ARHGAP32: variants seen among roughly 807,000 people sequenced by gnomAD.
The protein encoded by ARHGAP32 is rho GTPase-activating protein 32.
Under a neutral mutation model 186.5 loss-of-function variants are expected in ARHGAP32, and 51 were observed. The ratio of observed to expected loss-of-function variants is 0.27; its 90% CI spans 0.22 to 0.35. The LOEUF is 0.35. Ranked by LOEUF, ARHGAP32 falls within the 10% of genes least tolerant of loss-of-function variation. The probability of loss-of-function intolerance (pLI) is 1.00; values close to 1 mark genes in which losing one functional copy is unlikely to be tolerated. For missense variants in ARHGAP32, 2,186 were observed against 2,623.5 expected (o/e 0.83, Z 3.64); for synonymous variants, 950 against 964.3 (o/e 0.99, Z 0.27).
chr11:129,259,056 T>C (rs1361547711), intron 1 of ARHGAP32, among the ~76,000 whole-genome samples: 2 of 152,124 alleles, frequency 1.3e-5, no homozygotes, highest in Non-Finnish European at 2.9e-5. Flanking sequence ...TAAAAGTATA[T>C]GAAATAATAC....
intron 2 of ARHGAP32, among the ~76,000 whole-genome samples, chr11:129,133,817 G>A (rs192716309): frequency 9.9e-5 from 15 of 152,250 alleles, no homozygotes; most frequent in Admixed American, 5.2e-4. Flanking sequence ...TGGCCCTTCC[G>A]GCATGAAGAG....
Position 128,973,316 on chromosome 11 carries a change from A to G in ARHGAP32, c.3190T>C (p.Ser1064Pro). 6.2e-7 allele frequency: 1 copy of G among 1,613,912 alleles called. No individual in the cohort carries two copies. The highest frequency in any genetic ancestry group is 8.5e-7 in the Non-Finnish European group (1 of 1,179,994). Residue 1064 changes from serine to proline, a missense_variant, in exon 22 of 23, where the codon TCC becomes CCC. Ser to Pro is a moderately conservative substitution (Grantham distance 74, BLOSUM62 -1). Around this residue, in one of 5 missense-constraint regions of ARHGAP32, gnomAD observed 1,502 missense variants for 1,570.0 expected, o/e 0.96. Transcript: ENST00000682385. ...ARMLALALAE[S>P]AQQASTQSLK... The stretch of plus-strand genomic sequence containing the variant: ...GACTGAGTTGAGGCTTGCTGTGCGG[A>G]CTCAGCTAATGCTAGCGCCAACATT...
intron 19 of ARHGAP32, among the ~76,000 whole-genome samples, chr11:128,977,874 T>C (rs1945593872): frequency 6.8e-6 from 1 of 147,242 alleles, no homozygotes; most frequent in Non-Finnish European, 1.5e-5. Context: ...TTATTATTAT[T>C]ATTATTATTA....
chr11:129,274,467 C>T (rs1945508027), intron 1 of ARHGAP32, among the ~76,000 whole-genome samples: 3 of 152,058 alleles, frequency 2.0e-5, no homozygotes, highest in Admixed American at 6.6e-5. Context: ...CAGTGCCCTC[C>T]CCTGTCTCCT....
rs373776764 is a variant in ARHGAP32 at position 128,981,908 on chromosome 11, A to C, written c.1555T>G (p.Ser519Ala). 39 of 1,611,474 alleles carry C rather than the reference A, an allele frequency of 2.4e-5. No individual in the cohort carries two copies. In the East Asian group the frequency reaches 3.8e-4, roughly 16 times the overall value. The stretch of plus-strand genomic sequence containing the variant: ...ATGGAACAATAGTCAGCTAGAAGAG[A>C]CAAGTGTCTCATCAGGAACTCCAGT... ...RTLEFLMRHL[S>A]LLADYCSITN... Residue 519 changes from serine (S) to alanine (A), a missense_variant, in exon 16 of 23, where the codon TCT (serine) becomes GCT (alanine). This residue lies in a region of ARHGAP32 where 308 missense variants were observed against 596.5 expected (regional missense o/e 0.52). Coordinates refer to ENST00000682385, the MANE Select transcript of ARHGAP32 (RefSeq NM_001378024.1).
intron 1 of ARHGAP32, among the ~76,000 whole-genome samples, chr11:129,269,836 A>G (rs1945452975): frequency 6.6e-6 from 1 of 152,240 alleles, no homozygotes; most frequent in Non-Finnish European, 1.5e-5. Flanking sequence ...ACCCATAAGT[A>G]TGGCCAAAAT....
At chr11:129,057,918 G>T (rs1787995204) in intron 10 of ARHGAP32, among the ~76,000 whole-genome samples, 1 of 152,036 alleles carries the variant, frequency 6.6e-6, no homozygotes, top group Non-Finnish European at 1.5e-5. Context: ...GGACACGCAA[G>T]AAAGTGACCA....
intron 20 of ARHGAP32, 38 bp from the exon 21 acceptor site, chr11:128,975,040 C>G: frequency 6.5e-7 from 1 of 1,548,070 alleles, no homozygotes; most frequent in Non-Finnish European, 8.7e-7. Context: ...GTAAGAACAT[C>G]GTAGATACAG....
chr11:129,032,788 C>T (rs1939169974), intron 11 of ARHGAP32, among the ~76,000 whole-genome samples: 1 of 152,150 alleles, frequency 6.6e-6, no homozygotes. Flanking sequence ...CTTAAATAGG[C>T]ATTAATCCAA....
chr11:129,029,814 A>T (rs1939030785), intron 11 of ARHGAP32, among the ~76,000 whole-genome samples: 1 of 150,336 alleles, frequency 6.7e-6, no homozygotes, highest in Non-Finnish European at 1.5e-5. Context: ...AAAAAAAAAA[A>T]AAAAAAAAAA....
At chr11:129,203,020 C>G (rs2439801) in intron 1 of ARHGAP32, 94,358 of 152,070 alleles carry the variant, frequency 0.62, 29,887 homozygotes, top group Non-Finnish European at 0.7. Context: ...AGATTAGCAC[C>G]GCCCCTGCGC....
intron 2 of ARHGAP32, among the ~76,000 whole-genome samples, chr11:129,143,800 A>G (rs1795737970): frequency 6.6e-6 from 1 of 152,222 alleles, no homozygotes; most frequent in South Asian, 2.1e-4. Flanking sequence ...TGTGAACAGT[A>G]TATCATTATA....
Position 128,968,997 on chromosome 11 carries a change from G to C in ARHGAP32, c.6216C>G (p.Ser2072Arg). Reference protein sequence around the residue: ...YVPPGFPHPQSRTYATALGQG... With the variant: ...YVPPGFPHPQRRTYATALGQG... ...GACCCAACGCTGTAGCATAGGTCCT[G>C]CTCTGTGGATGGGGAAAGCCAGGGG... Residue 2072 changes from serine to arginine, a missense_variant, in exon 23 of 23, where the codon AGC (serine) becomes AGG (arginine). By Grantham distance (110) the Ser-to-Arg change is moderately radical. This residue lies in a region of ARHGAP32 where 1,502 missense variants were observed against 1,570.0 expected (regional missense o/e 0.96). Transcript: ENST00000682385. 1 of 1,609,770 alleles carries C rather than the reference G, an allele frequency of 6.2e-7. No homozygotes were observed. Among genetic ancestry groups the C allele is most frequent in the Non-Finnish European group, 8.5e-7 (1 of 1,177,310 alleles).
At chr11:129,047,148 C>A (rs906981285) in intron 10 of ARHGAP32, among the ~76,000 whole-genome samples, 3 of 149,938 alleles carry the variant, frequency 2.0e-5, no homozygotes, top group Non-Finnish European at 4.5e-5. Flanking sequence ...AAAAAAAATT[C>A]TCTTCTATTG....
chr11:129,143,003 G>A (rs1943089893), intron 2 of ARHGAP32, among the ~76,000 whole-genome samples: 1 of 135,750 alleles, frequency 7.4e-6, no homozygotes, highest in Non-Finnish European at 1.6e-5. Context: ...ATATAGTGAT[G>A]AAGGGGAAAA....
chr11:129,240,941 G>A (rs1411507453), intron 1 of ARHGAP32, among the ~76,000 whole-genome samples: 4 of 152,224 alleles, frequency 2.6e-5, no homozygotes, highest in African/African-American at 9.6e-5. Context: ...ATCCAAAAGA[G>A]AGGACAATGT....
At chr11:129,196,921 G>A (rs1358595887), upstream of ARHGAP32, among the ~76,000 whole-genome samples, 1 of 152,074 alleles carries the variant, frequency 6.6e-6, no homozygotes, top group Non-Finnish European at 1.5e-5. Flanking sequence ...ACCTGGCTTG[G>A]TGATGCATGC....
chr11:129,018,800 T>C (rs1938472120), intron 11 of ARHGAP32, among the ~76,000 whole-genome samples: 1 of 152,160 alleles, frequency 6.6e-6, no homozygotes. Flanking sequence ...ATATGCAATG[T>C]AAATATTAAA....
intron 5 of ARHGAP32, among the ~76,000 whole-genome samples, chr11:129,103,863 A>G (rs1187877414): frequency 6.6e-6 from 1 of 152,134 alleles, no homozygotes; most frequent in Admixed American, 6.5e-5. Context: ...TGTCTCCAGT[A>G]GACTAGTCCA....
Sources: allele counts gnomAD v4.1 joint callset (sites outside exome capture counted in the v4.1 genomes callset), GRCh38; gene constraint gnomAD v4.1.1; regional missense constraint gnomAD v4.1.1; transcripts MANE v1.5; gene names NCBI Gene and HGNC (gene_info 2026-07-23, HGNC 2026-07-21).